Variants in TRIM54 observed in about 807,000 individuals in gnomAD.
TRIM54 encodes the protein tripartite motif containing 54, also known as tripartite motif-containing protein 54.
In TRIM54, 40 loss-of-function variants were observed where a neutral mutation model predicts 42.0. The ratio of observed to expected loss-of-function variants is 0.95; its 90% CI spans 0.74 to 1.24. The LOEUF is 1.24. TRIM54 is among the 50% of genes most tolerant of loss of function. The pLI is 0.00. For missense variants in TRIM54, 485 were observed against 480.3 expected (o/e 1.01, Z -0.09); for synonymous variants, 199 against 194.9 (o/e 1.02, Z -0.17).
chr2:27,287,583 G>T (rs1277992004), intron 1 of TRIM54, among the ~76,000 whole-genome samples: 2 of 152,044 alleles, frequency 1.3e-5, no homozygotes, highest in Non-Finnish European at 2.9e-5. Context: ...GAGTGCAGTG[G>T]CACGATCATA....
rs762051439 is a variant in TRIM54 at position 27,306,247 on chromosome 2, C to T, written c.901C>T (p.Arg301Trp). 68 of 1,613,900 alleles carry T rather than the reference C, an allele frequency of 4.2e-5. No homozygotes were observed. The East Asian group carries it at 1.5e-3, about 35-fold the overall frequency. ...CATGTCGAAGGTGGAGCTGGCAGGGCGGCCGGAGCCAGGCTATGAGAGCAT... is the reference window on the plus strand; with the variant it reads ...CATGTCGAAGGTGGAGCTGGCAGGGTGGCCGGAGCCAGGCTATGAGAGCAT... ...GAMSKVELAG[R>W]PEPGYESMEQ... The change falls in exon 7 of 9, where the codon CGG becomes TGG. Residue 301 changes from arginine (R) to tryptophan (W), a missense_variant. By Grantham distance (101) the Arg-to-Trp change is moderately radical. Coordinates refer to ENST00000380075, the MANE Select transcript of TRIM54 (RefSeq NM_187841.3). This position sits in a 1 kb window ranked among gnomAD's most constrained non-coding sequence, Gnocchi z 6.1.
At position 27,284,111 on chromosome 2, in the gene TRIM54, C is replaced by T. The variant is rs1212255208; in HGVS notation, c.168+1212C>T. On this transcript the variant is annotated intron_variant, in intron 1 of 8. Coordinates refer to ENST00000380075, the MANE Select transcript of TRIM54 (RefSeq NM_187841.3). ...TCATGCCACTGCACTCTGACCTGGG[C>T]GACAGAGCAAGACTCCATCTCAAAA... Among the ~76,000 whole-genome samples, 4 of 151,996 alleles carry T rather than the reference C, an allele frequency of 2.6e-5. No homozygotes were observed. The East Asian group carries it at 5.8e-4, about 22-fold the overall frequency.
In TRIM54 at chr2:27,305,612, TA is replaced by T; in HGVS notation, c.641del (p.Asn214ThrfsTer73). The T allele has an allele frequency of 1.2e-6, 2 of 1,613,688 alleles. No individual in the cohort carries two copies. Among genetic ancestry groups the T allele is most frequent in the Admixed American group, 1.7e-5 (1 of 60,008 alleles). The stretch of plus-strand genomic sequence containing the variant: ...AATAGCCGGAGGCAGAAGCAGTTGT[TA>T]AACCAGAGGTTTGAGAGCCTGTGCG... Reference protein sequence around the residue: ...EDNSRRQKQLLNQRFESLCAV... With the variant: ...EDNSRRQKQLXNQRFESLCAV... On this transcript the variant is annotated frameshift_variant, in exon 5 of 9. Coordinates refer to ENST00000380075, the MANE Select transcript of TRIM54 (RefSeq NM_187841.3). LOFTEE classifies it high-confidence loss of function.
intron 1 of TRIM54, among the ~76,000 whole-genome samples, chr2:27,292,564 C>T (rs1299017556): frequency 6.6e-6 from 1 of 152,182 alleles, no homozygotes; most frequent in Non-Finnish European, 1.5e-5. Context: ...GTAAAATGCA[C>T]ATAACATGAA....
At chr2:27,303,577 T>A (rs956174366) in intron 3 of TRIM54, among the ~76,000 whole-genome samples, 1 of 150,374 alleles carries the variant, frequency 6.7e-6, no homozygotes, top group Non-Finnish European at 1.5e-5. Context: ...CCGGAGACCG[T>A]AGGTTAAACT....
intron 1 of TRIM54, among the ~76,000 whole-genome samples, chr2:27,288,955 C>G (rs1257938856): frequency 6.6e-6 from 1 of 152,172 alleles, no homozygotes; most frequent in African/African-American, 2.4e-5. Flanking sequence ...TCAGTTATCT[C>G]TTAGTCTTGA....
rs547894123 is a variant in TRIM54, at chr2:27,282,619, T to C, written c.-113T>C. On this transcript the variant is annotated 5_prime_UTR_variant, in exon 1 of 9. Transcript: ENST00000380075. ...AGGGACAGGAGAGAAAGCAGAGCTA[T>C]TTCAAGAGTGAGCCACAGAAGGGAA... 1.1e-4 allele frequency: 138 copies of C among 1,201,252 alleles called. 1 individual carries two copies. The South Asian group carries it at 2.0e-3, about 17-fold the overall frequency. 74.4% of individuals were successfully genotyped at this position (1,201,252 alleles called of 1,614,324 possible).
At chr2:27,295,199 C>T (rs899759516) in intron 1 of TRIM54, among the ~76,000 whole-genome samples, 1 of 151,838 alleles carries the variant, frequency 6.6e-6, no homozygotes, top group Admixed American at 6.6e-5. Context: ...GTGCCTCAGC[C>T]TCCCGAGTAG....
At chr2:27,297,606 G>A (rs570235089) in intron 1 of TRIM54, among the ~76,000 whole-genome samples, 1 of 152,310 alleles carries the variant, frequency 6.6e-6, no homozygotes, top group African/African-American at 2.4e-5. Context: ...CTTTAACTCA[G>A]AGTCCAGCAA....
At position 27,282,676 on chromosome 2, in the gene TRIM54, C is replaced by A; in HGVS notation, c.-56C>A. On this transcript the variant is annotated 5_prime_UTR_variant, in exon 1 of 9. Transcript: ENST00000380075. ...GGCCATCTAAGCGAGGAAGGGTCTA[C>A]AGGCAGTGAGTGAAGGCCAGGAGCA... 1.3e-6 allele frequency: 2 copies of A among 1,560,574 alleles called. No homozygotes were observed. Among genetic ancestry groups the A allele is most frequent in the Non-Finnish European group, 1.7e-6 (2 of 1,156,118 alleles).
chr2:27,305,973 G>A (rs893196888), intron 5 of TRIM54, 107 bp from the exon 6 acceptor site: 4 of 1,488,582 alleles, frequency 2.7e-6, no homozygotes, highest in East Asian at 4.8e-5. Context: ...TTAACGAATT[G>A]GGACGTGCCT....
Position 27,307,332 on chromosome 2 carries a change from C to T in TRIM54, c.*447C>T, listed in dbSNP as rs920715893. The stretch of plus-strand genomic sequence containing the variant: ...GCATTTTGTTCCCCTCCCGCTGGCC[C>T]GGGGGCCCCACCTTCCCACGGGTTC... On this transcript the variant is annotated 3_prime_UTR_variant, in exon 9 of 9. Transcript: ENST00000380075. This position sits in a 1 kb window ranked among gnomAD's most constrained non-coding sequence, Gnocchi z 6.9. The T allele has an allele frequency of 2.9e-6, 3 of 1,027,650 alleles. No individual in the cohort carries two copies. In the South Asian group the frequency reaches 5.1e-5, roughly 17 times the overall value. The allele number at this position is 1,027,650 out of a possible 1,614,324, so 63.7% of individuals were successfully genotyped here. A position where few individuals can be genotyped will look rare whatever the true frequency, so the allele number is the denominator to read the frequency against.
At chr2:27,301,924 C>T (rs974399342) in intron 3 of TRIM54, among the ~76,000 whole-genome samples, 5 of 151,974 alleles carry the variant, frequency 3.3e-5, no homozygotes, top group Admixed American at 2.6e-4. Flanking sequence ...GAGGCCGAGG[C>T]GGGCGGATCA....
At chr2:27,289,724 T>A (rs1427516412) in intron 1 of TRIM54, among the ~76,000 whole-genome samples, 5 of 151,792 alleles carry the variant, frequency 3.3e-5, no homozygotes, top group Non-Finnish European at 5.9e-5. Context: ...TTGGGGGAAA[T>A]GTCTAAAAAG....
At chr2:27,299,106 G>A (rs1236477590) in intron 2 of TRIM54, 139 bp from the exon 3 acceptor site, 14 of 941,710 alleles carry the variant, frequency 1.5e-5, no homozygotes, top group South Asian at 1.4e-4. Flanking sequence ...TCAGAGCTCT[G>A]TGGAAGTACT....
At position 27,282,665 on chromosome 2, in the gene TRIM54, G is replaced by A; in HGVS notation, c.-67G>A. On this transcript the variant is annotated 5_prime_UTR_variant, in exon 1 of 9. Coordinates refer to ENST00000380075, the MANE Select transcript of TRIM54 (RefSeq NM_187841.3). ...GGGAATCCAGAGGCCATCTAAGCGAGGAAGGGTCTACAGGCAGTGAGTGAA... is the reference window on the plus strand; with the variant it reads ...GGGAATCCAGAGGCCATCTAAGCGAAGAAGGGTCTACAGGCAGTGAGTGAA... 2.0e-6 allele frequency: 3 copies of A among 1,511,358 alleles called. No individual in the cohort carries two copies. In the South Asian group the frequency reaches 3.9e-5, roughly 20 times the overall value. The allele number at this position is 1,511,358 out of a possible 1,614,324, so 93.6% of individuals were successfully genotyped here. A position where few individuals can be genotyped will look rare whatever the true frequency, so the allele number is the denominator to read the frequency against.
intron 1 of TRIM54, among the ~76,000 whole-genome samples, chr2:27,283,701 C>G (rs1030705243): frequency 7.5e-5 from 11 of 145,892 alleles, no homozygotes; most frequent in African/African-American, 2.8e-4. Flanking sequence ...TTTTCCTGTG[C>G]TACTGGGGAG....
intron 3 of TRIM54, among the ~76,000 whole-genome samples, chr2:27,303,415 G>A (rs1365735020): frequency 6.6e-6 from 1 of 151,984 alleles, no homozygotes; most frequent in Admixed American, 6.6e-5. Context: ...GCCGGGCGTG[G>A]TTGCAGGCCC....
Position 27,296,588 on chromosome 2 carries a change from C to T in TRIM54, c.169-1979C>T, listed in dbSNP as rs143682428. 4.0e-3 allele frequency among the ~76,000 whole-genome samples: 603 copies of T among 152,254 alleles called. 7 individuals are homozygous for T. Among genetic ancestry groups the T allele is most frequent in the African/African-American group, 0.014 (581 of 41,562 alleles). On this transcript the variant is annotated intron_variant, in intron 1 of 8. Coordinates refer to ENST00000380075, the MANE Select transcript of TRIM54 (RefSeq NM_187841.3). ...ACGGCTGCTTCAACTTGAGCCATCC[C>T]GTCTTCTTTCCAGCCAGCAGGCAGG...
Sources: gnomAD v4.1 joint callset for allele counts (sites outside exome capture counted in the v4.1 genomes callset) on GRCh38, gnomAD v4.1.1 for gene constraint, Gnocchi (gnomAD v3.1) non-coding constraint, MANE v1.5 for transcripts, NCBI Gene and HGNC (gene_info 2026-07-23, HGNC 2026-07-21) for gene names.